MYO19: variants seen among roughly 807,000 people sequenced by gnomAD.
The protein encoded by MYO19 is unconventional myosin-XIX.
In MYO19, 132 loss-of-function variants were observed where a neutral mutation model predicts 129.2. That is an observed-to-expected ratio of 1.02 (90% CI 0.89 to 1.18). MYO19 has a LOEUF of 1.18. Ranked by LOEUF, MYO19 falls within the 50% of genes most tolerant of loss-of-function variation. The pLI is 0.00. For synonymous variants in MYO19, 531 were observed against 477.2 expected (o/e 1.11, Z -1.47); for missense variants, 1,210 against 1,216.7 (o/e 0.99, Z 0.08).
intron 1 of MYO19, among the ~76,000 whole-genome samples, chr17:36,542,432 G>T (rs1461131515): frequency 1.3e-5 from 2 of 152,110 alleles, no homozygotes; most frequent in African/African-American, 2.4e-5. Context: ...GGGCACGTTG[G>T]CTCACGCCTG....
At chr17:36,532,402 C>G in intron 3 of MYO19, 125 bp downstream of exon 3, 1 of 1,168,044 alleles carries the variant, frequency 8.6e-7, no homozygotes, top group Non-Finnish European at 1.3e-6. Flanking sequence ...GTAAAAGGCA[C>G]TGGAGAGACA....
At chr17:36,533,297 G>C (rs1229612300) in intron 2 of MYO19, 1 of 152,218 alleles carries the variant, frequency 6.6e-6, no homozygotes, top group Non-Finnish European at 1.5e-5. Context: ...CTACGACTAA[G>C]GGTTGATGAT....
Position 36,510,839 on chromosome 17 carries a change from C to G in MYO19, c.1064G>C (p.Arg355Thr). 6.3e-7 allele frequency: 1 copy of G among 1,581,450 alleles called. No individual in the cohort carries two copies. Among genetic ancestry groups the G allele is most frequent in the South Asian group, 1.2e-5 (1 of 86,224 alleles). ...LLEMVQIRTI[R>T]AGRQQQVFRK... ...GAACACCTGCTGCTGTCTGCCTGCC[C>G]TGATGGTTCTAATCTGCACCATCTC... The change falls in exon 13 of 26, where the codon AGG (arginine) becomes ACG (threonine). Residue 355 changes from arginine (R) to threonine (T), a missense_variant. Physicochemically the swap from Arg to Thr is moderately conservative, Grantham distance 71 (BLOSUM62 -1). Coordinates refer to ENST00000614623, the MANE Select transcript of MYO19 (RefSeq NM_001163735.2).
chr17:36,507,725 C>G (rs1003348205), intron 15 of MYO19, 78 bp downstream of exon 15: 7 of 1,477,196 alleles, frequency 4.7e-6, no homozygotes, highest in Non-Finnish European at 6.3e-6. Flanking sequence ...TAATCAGAAC[C>G]TGGACTGGGG....
chr17:36,511,365 A>G lies in MYO19; in HGVS notation c.985T>C (p.Tyr329His), dbSNP rs774678036. 7 of 1,572,924 alleles carry G rather than the reference A, an allele frequency of 4.5e-6. No homozygotes were observed. The highest frequency in any genetic ancestry group is 2.4e-5 in the East Asian group (1 of 42,444). Residue 329 changes from tyrosine (Y) to histidine (H), a missense_variant and splice_region_variant, in exon 12 of 26, where the codon TAC becomes CAC. Transcript: ENST00000614623. ...QPCQPMDDAK[Y>H]SVRTAASLLG... is the part of the protein sequence containing the mutation. ...CCCCATCCTACACCCTGACCCTCAC[A>G]CTTGGCATCATCCATCGGCTGGCAG...
intron 5 of MYO19, among the ~76,000 whole-genome samples, chr17:36,526,166 C>T (rs1267201649): frequency 1.3e-5 from 2 of 152,188 alleles, no homozygotes; most frequent in Non-Finnish European, 2.9e-5. Context: ...GATACAAAGC[C>T]TCCAACTGTT....
chr17:36,496,998 G>T (rs528567232), intron 25 of MYO19, among the ~76,000 whole-genome samples: 65 of 152,180 alleles, frequency 4.3e-4, no homozygotes, highest in Middle Eastern at 6.8e-3. Context: ...GAGTGACAAT[G>T]ACTTCCTGAG....
chr17:36,536,675 T>C (rs1489056419), upstream of MYO19, among the ~76,000 whole-genome samples: 1 of 151,990 alleles, frequency 6.6e-6, no homozygotes, highest in African/African-American at 2.4e-5. Flanking sequence ...CCATCACGCC[T>C]GGCTAATTTT....
At chr17:36,521,492 C>A (rs1430937128) in intron 6 of MYO19, among the ~76,000 whole-genome samples, 2 of 152,062 alleles carry the variant, frequency 1.3e-5, no homozygotes, top group Non-Finnish European at 2.9e-5. Flanking sequence ...ACACAACTAA[C>A]CAAATTTCCT....
At chr17:36,542,586 C>G (rs1012628479) in intron 1 of MYO19, among the ~76,000 whole-genome samples, 1 of 151,684 alleles carries the variant, frequency 6.6e-6, no homozygotes, top group African/African-American at 2.4e-5. Context: ...GTAGTCCCAG[C>G]TACTCGGGAG....
At position 36,499,664 on chromosome 17, in the gene MYO19, CTTTTTTTTTTTTTT is replaced by C. The variant is rs879079228; in HGVS notation, c.2378-518_2378-505del. On this transcript the variant is annotated intron_variant, in intron 23 of 25. Coordinates refer to ENST00000614623, the MANE Select transcript of MYO19 (RefSeq NM_001163735.2). ...CAGCATATTCTTTTTCTTTTTGTTT[CTTTTTTTTTTTTTT>C]TTTTTTTTTTTTTTTGAGACAGGGT... 192 of 62,638 alleles carry C rather than the reference CTTTTTTTTTTTTTT, an allele frequency of 3.1e-3. 1 individual carries two copies. The highest frequency in any genetic ancestry group is 4.9e-3 in the South Asian group (8 of 1,638). The allele number at this position is 62,638 out of a possible 1,614,324, so 3.9% of individuals were successfully genotyped here. A position where few individuals can be genotyped will look rare whatever the true frequency, so the allele number is the denominator to read the frequency against.
At chr17:36,523,169 A>G (rs909556069) in intron 6 of MYO19, among the ~76,000 whole-genome samples, 2 of 143,896 alleles carry the variant, frequency 1.4e-5, no homozygotes, top group Non-Finnish European at 3.0e-5. Context: ...CCTGGGCAAC[A>G]GAAACCCTGT....
At chr17:36,514,848 T>C (rs1447407325) in intron 8 of MYO19, among the ~76,000 whole-genome samples, 2 of 152,182 alleles carry the variant, frequency 1.3e-5, no homozygotes. Context: ...GGTGGCAATT[T>C]AGCTTGAAGT....
At chr17:36,520,677 T>A (rs1434340487) in intron 6 of MYO19, among the ~76,000 whole-genome samples, 1 of 152,226 alleles carries the variant, frequency 6.6e-6, no homozygotes, top group Non-Finnish European at 1.5e-5. Flanking sequence ...GAGGATCCAC[T>A]TTCACTTAAG....
intron 23 of MYO19, chr17:36,499,657 T>TC (rs1404173480): frequency 1.4e-5 from 2 of 140,694 alleles, no homozygotes; most frequent in African/African-American, 3.1e-5. Flanking sequence ...TCTTTTTCTT[T>TC]TTGTTTCTTT....
rs374581618 is a variant in MYO19, at chr17:36,507,550, T to C, written c.1354-38A>G. 106 of 1,589,744 alleles carry C rather than the reference T, an allele frequency of 6.7e-5. 1 individual carries two copies. Among genetic ancestry groups the C allele is most frequent in the Middle Eastern group, 3.7e-4 (2 of 5,392 alleles). On this transcript the variant is annotated intron_variant, in intron 15 of 25. Coordinates refer to ENST00000614623, the MANE Select transcript of MYO19 (RefSeq NM_001163735.2). ...GTGGGATGAGGTGGGAGAAGGCAGC[T>C]GTGGTCTGATGTCCTGACGGGCCAT...
intron 13 of MYO19, among the ~76,000 whole-genome samples, chr17:36,510,153 A>G (rs2072218810): frequency 6.6e-6 from 1 of 152,220 alleles, no homozygotes; most frequent in Admixed American, 6.5e-5. Flanking sequence ...GGGCCCCTGA[A>G]GCCCTTACAA....
At chr17:36,529,642 C>T (rs2073705537) in intron 3 of MYO19, among the ~76,000 whole-genome samples, 1 of 152,134 alleles carries the variant, frequency 6.6e-6, no homozygotes, top group South Asian at 2.1e-4. Flanking sequence ...GGCTCTTGGC[C>T]TCCAGAGTAA....
chr17:36,498,121 T>C (rs560824489), intron 25 of MYO19, 145 bp downstream of exon 25: 38 of 787,780 alleles, frequency 4.8e-5, no homozygotes, highest in South Asian at 3.6e-4. Context: ...CTGCAGCTGA[T>C]TGGGACATGC....
Sources: allele counts gnomAD v4.1 joint callset (sites outside exome capture counted in the v4.1 genomes callset), GRCh38; gene constraint gnomAD v4.1.1; transcripts MANE v1.5; gene names NCBI Gene and HGNC (gene_info 2026-07-23, HGNC 2026-07-21).